Variants in KIAA1549L observed in about 807,000 individuals in gnomAD.
KIAA1549L encodes UPF0606 protein KIAA1549L.
KIAA1549L carries 88 observed loss-of-function variants against 160.7 expected under a neutral mutation model. The ratio of observed to expected loss-of-function variants is 0.55; its 90% confidence interval spans 0.46 to 0.65. KIAA1549L has a LOEUF of 0.65. KIAA1549L is among the 30% of genes least tolerant of loss of function. The pLI is 0.00. For missense variants in KIAA1549L, 2,258 were observed against 2,437.5 expected (o/e 0.93, Z 1.55); for synonymous variants, 950 against 976.7 (o/e 0.97, Z 0.51).
intron 16 of KIAA1549L, 125 bp downstream of exon 16, chr11:33,618,787 T>A: frequency 1.0e-6 from 1 of 979,518 alleles, no homozygotes; most frequent in Non-Finnish European, 1.4e-6. Flanking sequence ...CTAAAATGTT[T>A]TCTATTTTTT....
At chr11:33,558,512 G>A (rs1272955858) in intron 6 of KIAA1549L, among the ~76,000 whole-genome samples, 1 of 152,180 alleles carries the variant, frequency 6.6e-6, no homozygotes, top group African/African-American at 2.4e-5. Flanking sequence ...GCACCGGACA[G>A]GGCAGAGAGG....
rs1402455759 is a variant in KIAA1549L at position 33,566,010 on chromosome 11, C to G, written c.4079-2066C>G. 5.9e-5 allele frequency among the ~76,000 whole-genome samples: 9 copies of G among 151,934 alleles called. No individual in the cohort carries two copies. In the East Asian group the frequency reaches 1.7e-3, roughly 29 times the overall value. Reference sequence around the variant, plus strand: ...TGGGCAATAGAGGGAAACCCTGCCTCAAAAGAAAAAAGAAAACAATTTTAT... The same window carrying G: ...TGGGCAATAGAGGGAAACCCTGCCTGAAAAGAAAAAAGAAAACAATTTTAT... On this transcript the variant is annotated intron_variant, in intron 8 of 20. Transcript: ENST00000658780.
chr11:33,508,402 G>A (rs1853143853), intron 1 of KIAA1549L, among the ~76,000 whole-genome samples: 1 of 152,182 alleles, frequency 6.6e-6, no homozygotes, highest in African/African-American at 2.4e-5. Context: ...TGGACTGTTA[G>A]CCTTAATGGG....
In KIAA1549L at chr11:33,397,708, T is replaced by TCACA. The variant is rs1491551239; in HGVS notation, c.238+20820_238+20821insACAC. On this transcript the variant is annotated intron_variant, in intron 1 of 20. Coordinates refer to ENST00000658780, the MANE Select transcript of KIAA1549L (RefSeq NM_012194.3). ...GCCTGGGCGACAGAGCGAGACTCCA[T>TCACA]CTCACACACACACACACACACACAC... Among the ~76,000 whole-genome samples the TCACA allele has an allele frequency of 2.2e-3, 221 of 98,914 alleles. 1 individual carries two copies. The highest frequency in any genetic ancestry group is 7.5e-3 in the African/African-American group (209 of 27,766). 64.9% of individuals were successfully genotyped at this position (98,914 alleles called of 152,430 possible).
chr11:33,647,375 C>CAAAAAAAAAAAAAAAAAAAAAAAAAAAA (rs10578169), intron 17 of KIAA1549L, among the ~76,000 whole-genome samples: 1 of 115,114 alleles, frequency 8.7e-6, no homozygotes, highest in African/African-American at 3.4e-5. Context: ...GACTCTGTCT[C>CAAAAAAAAAAAAAAAAAAAAAAAAAAAA]AAAAAAAAAA....
At position 33,660,134 on chromosome 11, in the gene KIAA1549L, CT is replaced by C. The variant is rs531538848; in HGVS notation, c.6008-726del. 3.9e-5 allele frequency among the ~76,000 whole-genome samples: 6 copies of C among 152,316 alleles called. No homozygotes were observed. The South Asian group carries it at 1.2e-3, about 32-fold the overall frequency. The stretch of plus-strand genomic sequence containing the variant: ...TGCATTTGGTGAAGTTGGAAAAAGA[CT>C]TTCCTTCCCCAGGTGAGTACAGACT... On this transcript the variant is annotated intron_variant, in intron 19 of 20. Transcript: ENST00000658780.
intron 20 of KIAA1549L, among the ~76,000 whole-genome samples, chr11:33,661,480 TTCAAA>T (rs1259129879): frequency 6.6e-6 from 1 of 152,216 alleles, no homozygotes; most frequent in Non-Finnish European, 1.5e-5. Context: ...AAGGACAGAA[TTCAAA>T]CCCACACCTG....
At chr11:33,461,910 C>A (rs749231654) in intron 1 of KIAA1549L, among the ~76,000 whole-genome samples, 19 of 152,192 alleles carry the variant, frequency 1.2e-4, no homozygotes, top group Non-Finnish European at 2.2e-4. Context: ...GGCTATATGC[C>A]TCATCAGGAC....
chr11:33,667,838 C>T, intron 20 of KIAA1549L, 35 bp from the exon 21 acceptor site: 2 of 1,572,592 alleles, frequency 1.3e-6, no homozygotes, highest in South Asian at 2.3e-5. Context: ...TTCCTCATGC[C>T]AGGCCCTGTC....
rs1850516894 is a variant in KIAA1549L at position 33,606,800 on chromosome 11, C to T, written c.5039C>T (p.Ser1680Leu). Residue 1680 changes from serine to leucine, a missense_variant, in exon 14 of 21, where the codon TCA becomes TTA. Ser to Leu is a moderately radical substitution (Grantham distance 145, BLOSUM62 -2). This residue lies in a region of KIAA1549L where 1,359 missense variants were observed against 1,546.6 expected (regional missense o/e 0.88). Transcript: ENST00000658780. ...CCCACCTCGGACAGGAGCCAGGAGTCATCGGCAGTCCTCAACGGCGAGGTA... is the reference window on the plus strand; with the variant it reads ...CCCACCTCGGACAGGAGCCAGGAGTTATCGGCAGTCCTCAACGGCGAGGTA... The part of the protein sequence containing the change: ...VPPTSDRSQE[S>L]SAVLNGEVNK... 2 of 1,610,850 alleles carry T rather than the reference C, an allele frequency of 1.2e-6. No individual in the cohort carries two copies. The highest frequency in any genetic ancestry group is 1.7e-6 in the Non-Finnish European group (2 of 1,178,490).
intron 7 of KIAA1549L, 43 bp from the exon 8 acceptor site, chr11:33,561,633 C>A: frequency 7.1e-7 from 1 of 1,415,846 alleles, no homozygotes; most frequent in South Asian, 1.2e-5. Context: ...CGAAACAAAT[C>A]AAACCTATAA....
At chr11:33,612,039 T>A (rs150146977) in intron 15 of KIAA1549L, among the ~76,000 whole-genome samples, 1 of 152,152 alleles carries the variant, frequency 6.6e-6, no homozygotes, top group Non-Finnish European at 1.5e-5. Flanking sequence ...GAATAAATGG[T>A]TTCATGATCA....
At chr11:33,511,373 A>G (rs540951296) in intron 1 of KIAA1549L, among the ~76,000 whole-genome samples, 1 of 152,368 alleles carries the variant, frequency 6.6e-6, no homozygotes, top group Non-Finnish European at 1.5e-5. Flanking sequence ...GCATGGGGAT[A>G]CTGATATCTT....
chr11:33,379,141 CTTG>C (rs1013100313), intron 1 of KIAA1549L, among the ~76,000 whole-genome samples: 5 of 152,198 alleles, frequency 3.3e-5, no homozygotes, highest in Non-Finnish European at 7.3e-5. Context: ...GCTGCTCTCC[CTTG>C]TTGTTTAAGG....
At chr11:33,520,485 T>C (rs1853456701) in intron 1 of KIAA1549L, among the ~76,000 whole-genome samples, 2 of 152,028 alleles carry the variant, frequency 1.3e-5, no homozygotes, top group African/African-American at 2.4e-5. Flanking sequence ...TATGAGCTCA[T>C]GGACCAGTGA....
rs770844309 is a variant in KIAA1549L, at chr11:33,645,927, A to G, written c.5651A>G (p.Tyr1884Cys). Residue 1884 changes from tyrosine (Y) to cysteine (C), a missense_variant, in exon 17 of 21, where the codon TAT becomes TGT. Tyr to Cys is a radical substitution (Grantham distance 194). This residue lies in a region of KIAA1549L where 1,359 missense variants were observed against 1,546.6 expected (regional missense o/e 0.88). Coordinates refer to ENST00000658780, the MANE Select transcript of KIAA1549L (RefSeq NM_012194.3). ...EAYGSAQHLP[Y>C]SEVVTSAPGT... ...TACGGCTCAGCCCAGCACCTGCCCT[A>G]TTCGGAGGTGGTGACCAGCGCTCCG... The G allele has an allele frequency of 3.1e-6, 5 of 1,613,154 alleles. No individual in the cohort carries two copies. In the Admixed American group the frequency reaches 6.7e-5, roughly 22 times the overall value.
At chr11:33,409,916 A>C (rs1850753746) in intron 1 of KIAA1549L, among the ~76,000 whole-genome samples, 1 of 152,164 alleles carries the variant, frequency 6.6e-6, no homozygotes, top group Non-Finnish European at 1.5e-5. Flanking sequence ...AAATACTTAA[A>C]ACAGTCAGAA....
At chr11:33,562,968 G>C (rs189275487) in intron 8 of KIAA1549L, among the ~76,000 whole-genome samples, 1 of 151,850 alleles carries the variant, frequency 6.6e-6, no homozygotes, top group South Asian at 2.1e-4. Flanking sequence ...GGTGTGAGCC[G>C]CTGTGCCTGG....
chr11:33,630,314 C>G (rs374808667), intron 16 of KIAA1549L, among the ~76,000 whole-genome samples: 1 of 152,350 alleles, frequency 6.6e-6, no homozygotes, highest in African/African-American at 2.4e-5. Flanking sequence ...CCACCCAGTT[C>G]GAGCTTCCCG....
Sources: allele counts gnomAD v4.1 joint callset (sites outside exome capture counted in the v4.1 genomes callset), GRCh38; gene constraint gnomAD v4.1.1; regional missense constraint gnomAD v4.1.1; transcripts MANE v1.5; gene names NCBI Gene and HGNC (gene_info 2026-07-23, HGNC 2026-07-21).